Variants in TCEANC2 observed in about 807,000 individuals in gnomAD.
TCEANC2 encodes the protein transcription elongation factor A N-terminal and central domain-containing protein 2.
In TCEANC2, 20 loss-of-function variants were observed where a neutral mutation model predicts 22.8. The observed-to-expected ratio is 0.88, with a 90% CI of 0.62 to 1.28. TCEANC2 has a LOEUF of 1.28. TCEANC2 is among the 50% of genes most tolerant of loss of function. TCEANC2 has a pLI of 0.00. For synonymous variants in TCEANC2, 84 were observed against 95.5 expected, an observed-to-expected ratio of 0.88 and a Z score of 0.70; for missense variants, 251 against 249.7, an observed-to-expected ratio of 1.01 and a Z score of -0.03.
In TCEANC2 at chr1:54,096,824, C is replaced by G. The variant is rs1259173333; in HGVS notation, c.*351C>G. The G allele has an allele frequency of 9.9e-7, 1 of 1,013,264 alleles. No homozygotes were observed. Among genetic ancestry groups the G allele is most frequent in the Non-Finnish European group, 1.2e-6 (1 of 847,468 alleles). 62.8% of individuals were successfully genotyped at this position (1,013,264 alleles called of 1,614,324 possible). A position where few individuals can be genotyped will look rare whatever the true frequency, so the allele number is the denominator to read the frequency against. Reference sequence around the variant, plus strand: ...CCATGTCAGTCAGATGAAGTTACTACTATATTTCACCACCCTGCAGGTAAC... The same window carrying G: ...CCATGTCAGTCAGATGAAGTTACTAGTATATTTCACCACCCTGCAGGTAAC... On this transcript the variant is annotated 3_prime_UTR_variant, in exon 5 of 5. Coordinates refer to ENST00000234827, the MANE Select transcript of TCEANC2 (RefSeq NM_153035.3). The surrounding 1 kb of genome is among the most constrained non-coding windows in gnomAD (Gnocchi z 4.9).
chr1:54,062,061 G>T (rs938284100), intron 2 of TCEANC2, among the ~76,000 whole-genome samples: 1 of 152,140 alleles, frequency 6.6e-6, no homozygotes, highest in Non-Finnish European at 1.5e-5. Context: ...ACTTCAGAAG[G>T]TTCTATGAAC....
intron 3 of TCEANC2, among the ~76,000 whole-genome samples, chr1:54,071,340 G>A (rs1658052509): frequency 6.6e-6 from 1 of 152,206 alleles, no homozygotes; most frequent in Non-Finnish European, 1.5e-5. Context: ...TTATGAGGTT[G>A]CAGTCAAGCT....
chr1:54,088,549 G>A, intron 3 of TCEANC2, 48 bp from the exon 4 acceptor site: 1 of 1,508,860 alleles, frequency 6.6e-7, no homozygotes, highest in Non-Finnish European at 9.0e-7. Context: ...GCGCTTCTCA[G>A]AAGAAGATGT....
At chr1:54,065,576 A>G (rs1026710638) in intron 2 of TCEANC2, among the ~76,000 whole-genome samples, 1 of 152,004 alleles carries the variant, frequency 6.6e-6, no homozygotes, top group Non-Finnish European at 1.5e-5. Flanking sequence ...AAAAATCAGC[A>G]GAGTGTGGTG....
chr1:54,073,480 A>G (rs947376258), intron 3 of TCEANC2, among the ~76,000 whole-genome samples: 2 of 152,200 alleles, frequency 1.3e-5, no homozygotes, highest in African/African-American at 4.8e-5. Flanking sequence ...TGCTATTGAT[A>G]TCAGCCCTTA....
chr1:54,088,642 C>T lies in TCEANC2; in HGVS notation c.290C>T (p.Ala97Val). ...KMRKHSDSEV[A>V]SLAREVYTEW... ...CGTAAACACTCAGATTCAGAAGTGG[C>T]TTCTCTTGCCAGAGAAGTTTACACT... is the stretch of plus-strand genomic sequence containing the variant. The change falls in exon 4 of 5, where the codon GCT becomes GTT. Residue 97 changes from alanine (A) to valine (V), a missense_variant. Coordinates refer to ENST00000234827, the MANE Select transcript of TCEANC2 (RefSeq NM_153035.3). 1 of 1,605,864 alleles carries T rather than the reference C, an allele frequency of 6.2e-7. No individual in the cohort carries two copies. The highest frequency in any genetic ancestry group is 1.1e-5 in the South Asian group (1 of 89,478).
At chr1:54,066,219 C>A (rs1292293760) in intron 2 of TCEANC2, among the ~76,000 whole-genome samples, 1 of 150,948 alleles carries the variant, frequency 6.6e-6, no homozygotes, top group Non-Finnish European at 1.5e-5. Context: ...CCACTGCACC[C>A]AGCCTGTGCA....
chr1:54,084,283 G>A (rs966722464), intron 3 of TCEANC2, among the ~76,000 whole-genome samples: 70 of 152,148 alleles, frequency 4.6e-4, no homozygotes, highest in African/African-American at 1.6e-3. Context: ...AAAGTGCTGG[G>A]GTTACAGACG....
At position 54,100,207 on chromosome 1, in the gene TCEANC2, C is replaced by A. The variant is rs1658635570; in HGVS notation, c.*3734C>A. 6.6e-6 allele frequency: 1 copy of A among 152,240 alleles called. No individual in the cohort carries two copies. The highest frequency in any genetic ancestry group is 2.4e-5 in the African/African-American group (1 of 41,428). The allele number at this position is 152,240 out of a possible 1,614,324, so 9.4% of individuals were successfully genotyped here. ...GAGCTGAGATGGCGCCATTGCACTC[C>A]AGCCTGGGCGACAGAGCAAGACTCA... On this transcript the variant is annotated 3_prime_UTR_variant, in exon 5 of 5. Coordinates refer to ENST00000234827, the MANE Select transcript of TCEANC2 (RefSeq NM_153035.3).
chr1:54,062,334 G>A (rs1187695277), intron 2 of TCEANC2, among the ~76,000 whole-genome samples: 1 of 152,174 alleles, frequency 6.6e-6, no homozygotes, highest in Non-Finnish European at 1.5e-5. Context: ...AATAATTTGA[G>A]CAATCTATTT....
chr1:54,084,557 T>C (rs962678475), intron 3 of TCEANC2, among the ~76,000 whole-genome samples: 3 of 152,078 alleles, frequency 2.0e-5, no homozygotes, highest in Non-Finnish European at 2.9e-5. Flanking sequence ...ATAAGGTAAA[T>C]GCCCGGTAAA....
chr1:54,088,783 A>T lies in TCEANC2; in HGVS notation c.431A>T (p.Glu144Val). 6.3e-7 allele frequency: 1 copy of T among 1,580,504 alleles called. No homozygotes were observed. The highest frequency in any genetic ancestry group is 8.6e-7 in the Non-Finnish European group (1 of 1,165,106). The change falls in exon 4 of 5, where the codon GAA becomes GTA. Residue 144 changes from glutamate (E) to valine (V), a missense_variant. Transcript: ENST00000234827. ...CAGAAATTACTCTCAGAAGCCTTGGAATTAAAGGTAATGCCCTAAATATAT... is the reference window on the plus strand; with the variant it reads ...CAGAAATTACTCTCAGAAGCCTTGGTATTAAAGGTAATGCCCTAAATATAT... Reference protein sequence around the residue: ...NAQKLLSEALELKMDHLLVEN... With the variant: ...NAQKLLSEALVLKMDHLLVEN...
chr1:54,062,943 A>T (rs1657885894), intron 2 of TCEANC2, among the ~76,000 whole-genome samples: 1 of 152,216 alleles, frequency 6.6e-6, no homozygotes, highest in African/African-American at 2.4e-5. Flanking sequence ...GGAACTCTTA[A>T]CCTGATTCCA....
Position 54,101,972 on chromosome 1 carries a change from T to G in TCEANC2, c.*5499T>G, listed in dbSNP as rs1658671044. ...GAAAACACAAATGGGCAGGGTGCAG[T>G]GAGATTTTTAGGGGCCAATGGTCTG... On this transcript the variant is annotated 3_prime_UTR_variant, in exon 5 of 5. Coordinates refer to ENST00000234827, the MANE Select transcript of TCEANC2 (RefSeq NM_153035.3). 2 of 152,114 alleles carry G rather than the reference T, an allele frequency of 1.3e-5. No individual in the cohort carries two copies. The highest frequency in any genetic ancestry group is 4.8e-5 in the African/African-American group (2 of 41,404). 9.4% of individuals were successfully genotyped at this position (152,114 alleles called of 1,614,324 possible). A position where few individuals can be genotyped will look rare whatever the true frequency, so the allele number is the denominator to read the frequency against.
At chr1:54,108,255 C>T (rs183912906), downstream of TCEANC2, among the ~76,000 whole-genome samples, 21 of 152,272 alleles carry the variant, frequency 1.4e-4, no homozygotes, top group Non-Finnish European at 2.6e-4. Context: ...ATTCTTGTGC[C>T]TCTCATCTAG....
intron 3 of TCEANC2, among the ~76,000 whole-genome samples, chr1:54,076,177 G>A (rs1033363317): frequency 6.6e-6 from 1 of 152,104 alleles, no homozygotes; most frequent in Admixed American, 6.6e-5. Flanking sequence ...AGGGCTTGTT[G>A]TACATATTAT....
At chr1:54,084,890 A>G (rs1257879996) in intron 3 of TCEANC2, among the ~76,000 whole-genome samples, 1 of 152,194 alleles carries the variant, frequency 6.6e-6, no homozygotes, top group Admixed American at 6.5e-5. Flanking sequence ...TGCTTGCTGA[A>G]TGAATAATCT....
intron 4 of TCEANC2, among the ~76,000 whole-genome samples, 199 bp downstream of exon 4, chr1:54,088,989 A>G (rs985600391): frequency 7.2e-5 from 11 of 152,216 alleles, no homozygotes; most frequent in African/African-American, 2.4e-4. Context: ...TTCTGGATTT[A>G]TAAGCATTCC....
chr1:54,089,635 T>C (rs771557172), intron 4 of TCEANC2, among the ~76,000 whole-genome samples: 4 of 152,214 alleles, frequency 2.6e-5, no homozygotes, highest in Non-Finnish European at 5.9e-5. Flanking sequence ...TAAAGAACAA[T>C]TTAATATTAA....
Sources: gnomAD v4.1 joint callset for allele counts (sites outside exome capture counted in the v4.1 genomes callset) on GRCh38, gnomAD v4.1.1 for gene constraint, Gnocchi (gnomAD v3.1) non-coding constraint, MANE v1.5 for transcripts, NCBI Gene and HGNC (gene_info 2026-07-23, HGNC 2026-07-21) for gene names.